Variants in GFRA1 observed in about 807,000 individuals in gnomAD.
GFRA1 encodes GDNF family receptor alpha 1.
GFRA1 carries 16 observed loss-of-function variants against 51.6 expected under a neutral mutation model. The observed-to-expected ratio is 0.31, with a 90% confidence interval of 0.21 to 0.47. The LOEUF (loss-of-function observed/expected upper bound fraction) is 0.47, where lower values mean the gene tolerates loss of function less well. Among genes scored for constraint, GFRA1 ranks in the 20% least tolerant of loss-of-function variants. The probability of loss-of-function intolerance (pLI) is 1.00; values close to 1 mark genes in which losing one functional copy is unlikely to be tolerated. For synonymous variants in GFRA1, 270 were observed against 241.3 expected (o/e 1.12, Z -1.10); for missense variants, 530 against 594.3 (o/e 0.89, Z 1.13).
intron 6 of GFRA1, among the ~76,000 whole-genome samples, chr10:116,123,734 C>A (rs563938356): frequency 1.1e-4 from 17 of 152,164 alleles, no homozygotes; most frequent in Non-Finnish European, 1.8e-4. Flanking sequence ...CAATATGATA[C>A]CCCAAATCTA....
intron 4 of GFRA1, among the ~76,000 whole-genome samples, chr10:116,262,620 C>A (rs1036551057): frequency 6.6e-6 from 1 of 152,102 alleles, no homozygotes; most frequent in Non-Finnish European, 1.5e-5. Context: ...GGTGGTAGGA[C>A]GCTGGGTGAT....
At chr10:116,124,388 C>A (rs1957769037) in intron 6 of GFRA1, among the ~76,000 whole-genome samples, 1 of 151,726 alleles carries the variant, frequency 6.6e-6, no homozygotes, top group Non-Finnish European at 1.5e-5. Flanking sequence ...TGCCACCATG[C>A]CCGGCTAATT....
chr10:116,078,650 G>C (rs901424119), intron 9 of GFRA1, among the ~76,000 whole-genome samples: 1 of 152,178 alleles, frequency 6.6e-6, no homozygotes, highest in African/African-American at 2.4e-5. Flanking sequence ...ATTACGCAGA[G>C]AAAACGCTGG....
At chr10:116,229,226 G>A (rs1205893752) in intron 4 of GFRA1, among the ~76,000 whole-genome samples, 1 of 152,162 alleles carries the variant, frequency 6.6e-6, no homozygotes, top group Admixed American at 6.5e-5. Flanking sequence ...TAATACACTG[G>A]TTATACACAA....
intron 4 of GFRA1, among the ~76,000 whole-genome samples, chr10:116,223,650 G>A (rs890160648): frequency 6.6e-6 from 1 of 152,172 alleles, no homozygotes; most frequent in African/African-American, 2.4e-5. Flanking sequence ...ACACAGGGAG[G>A]ACCACCAGCA....
At chr10:116,152,020 G>T (rs1279788819) in intron 5 of GFRA1, among the ~76,000 whole-genome samples, 7 of 152,152 alleles carry the variant, frequency 4.6e-5, no homozygotes, top group Non-Finnish European at 8.8e-5. Flanking sequence ...GTGATTTGAA[G>T]AAATGATTAA....
At chr10:116,178,306 GCGT>G (rs1565630482) in intron 5 of GFRA1, among the ~76,000 whole-genome samples, 12 of 149,230 alleles carry the variant, frequency 8.0e-5, no homozygotes, top group South Asian at 4.3e-4. Context: ...GGCCGGGGGG[GCGT>G]TTTACTCCCC....
At chr10:116,159,942 G>C (rs548111718) in intron 5 of GFRA1, among the ~76,000 whole-genome samples, 69 of 152,302 alleles carry the variant, frequency 4.5e-4, no homozygotes, top group African/African-American at 1.6e-3. Flanking sequence ...GAACCATAAG[G>C]ATTCCAATAT....
rs376239327 is a variant in GFRA1 at position 116,125,216 on chromosome 10, C to T, written c.770+5G>A. ...ATTAATCACCAGCTGCCAGTGCCCA[C>T]TTACCTGCAGATGTAATTCGTCTTG... On this transcript the variant is annotated splice_donor_5th_base_variant and intron_variant, in intron 6 of 10. Transcript: ENST00000355422. 19 of 1,612,444 alleles carry T rather than the reference C, an allele frequency of 1.2e-5. No individual in the cohort carries two copies. Among genetic ancestry groups the T allele is most frequent in the Non-Finnish European group, 1.6e-5 (19 of 1,178,550 alleles).
chr10:116,170,999 A>G, intron 5 of GFRA1, among the ~76,000 whole-genome samples: 1 of 152,188 alleles, frequency 6.6e-6, no homozygotes, highest in East Asian at 1.9e-4. Flanking sequence ...TTTGCAGGCT[A>G]ATCTTTCTAC....
intron 5 of GFRA1, among the ~76,000 whole-genome samples, chr10:116,208,763 G>A (rs1190903814): frequency 1.3e-5 from 2 of 152,318 alleles, no homozygotes; most frequent in East Asian, 1.9e-4. Flanking sequence ...CATTCAAAAC[G>A]TGCTTCAGTA....
intron 5 of GFRA1, among the ~76,000 whole-genome samples, chr10:116,179,352 A>G (rs2420247): frequency 0.11 from 16,574 of 152,254 alleles, 1,117 homozygotes; most frequent in Non-Finnish European, 0.16. Flanking sequence ...TGAGGACAGT[A>G]TAAGTATTTG....
At chr10:116,243,862 G>A (rs1023141260) in intron 4 of GFRA1, among the ~76,000 whole-genome samples, 6 of 152,260 alleles carry the variant, frequency 3.9e-5, no homozygotes, top group Middle Eastern at 3.4e-3. Flanking sequence ...TTGAAAACAG[G>A]CTCAGAGTAT....
intron 9 of GFRA1, among the ~76,000 whole-genome samples, chr10:116,084,392 A>C (rs1012996393): frequency 6.6e-6 from 1 of 152,146 alleles, no homozygotes; most frequent in Non-Finnish European, 1.5e-5. Context: ...GATGTGTTTT[A>C]TGTGACTCAC....
At chr10:116,075,365 C>A (rs6585379) in intron 9 of GFRA1, among the ~76,000 whole-genome samples, 6,820 of 152,224 alleles carry the variant, frequency 0.045, 500 homozygotes, top group African/African-American at 0.16. Flanking sequence ...TCGGCACAGG[C>A]TCCTCCTATG....
At chr10:116,265,685 C>T (rs998152462) in intron 4 of GFRA1, among the ~76,000 whole-genome samples, 5 of 152,162 alleles carry the variant, frequency 3.3e-5, no homozygotes, top group African/African-American at 9.7e-5. Context: ...CAGTGCATTG[C>T]GCACGGTGGC....
chr10:116,163,595 AT>A (rs1960053973), intron 5 of GFRA1, among the ~76,000 whole-genome samples: 1 of 152,308 alleles, frequency 6.6e-6, no homozygotes, highest in African/African-American at 2.4e-5. Context: ...CAAGGCCACC[AT>A]CCCCGCGGGC....
At chr10:116,271,402 C>T (rs1320483368) in intron 2 of GFRA1, among the ~76,000 whole-genome samples, 2 of 152,146 alleles carry the variant, frequency 1.3e-5, no homozygotes, top group African/African-American at 4.8e-5. Flanking sequence ...CGCACGTCGG[C>T]CCTCCGCCCC....
rs139119726 is a variant in GFRA1 at position 116,113,824 on chromosome 10, G to C, written c.770+11397C>G. Among the ~76,000 whole-genome samples, 527 of 152,264 alleles carry C rather than the reference G, an allele frequency of 3.5e-3. 3 individuals carry two copies. Among genetic ancestry groups the C allele is most frequent in the African/African-American group, 0.012 (499 of 41,548 alleles). On this transcript the variant is annotated intron_variant, in intron 6 of 10. Transcript: ENST00000355422. Reference sequence around the variant, plus strand: ...CTCATCCAGTGACAGGGAGGGTAACGACAGCTCCCACTTCCAAGGTTGCTG... The same window carrying C: ...CTCATCCAGTGACAGGGAGGGTAACCACAGCTCCCACTTCCAAGGTTGCTG...
Sources: gnomAD v4.1 joint callset for allele counts (sites outside exome capture counted in the v4.1 genomes callset) on GRCh38, gnomAD v4.1.1 for gene constraint, MANE v1.5 for transcripts, NCBI Gene and HGNC (gene_info 2026-07-23, HGNC 2026-07-21) for gene names.